Variants in RRM1 observed in about 807,000 individuals in gnomAD.
RRM1 encodes ribonucleoside-diphosphate reductase large subunit.
Under a neutral mutation model 101.5 loss-of-function variants are expected in RRM1, and 19 were observed. The observed-to-expected ratio is 0.19, with a 90% confidence interval of 0.13 to 0.27. The LOEUF is 0.27. Among genes scored for constraint, RRM1 ranks in the 10% least tolerant of loss-of-function variants. RRM1 has a pLI of 1.00. For missense variants in RRM1, 500 were observed against 962.9 expected (o/e 0.52, Z 6.36); for synonymous variants, 298 against 323.4 (o/e 0.92, Z 0.84).
At chr11:4,126,604 G>C (rs2094589926) in intron 12 of RRM1, 80 bp from the exon 13 acceptor site, 1 of 1,316,808 alleles carries the variant, frequency 7.6e-7, no homozygotes, top group African/African-American at 1.5e-5. Context: ...CTGAGTATTA[G>C]AGGCTCACAT....
At chr11:4,102,894 T>C (rs925224033) in intron 2 of RRM1, among the ~76,000 whole-genome samples, 1 of 152,188 alleles carries the variant, frequency 6.6e-6, no homozygotes, top group African/African-American at 2.4e-5. Context: ...ATCTGGACTG[T>C]TTTCTGTGGT....
chr11:4,101,931 A>G, intron 1 of RRM1, 62 bp from the exon 2 acceptor site: 1 of 858,024 alleles, frequency 1.2e-6, no homozygotes, highest in Non-Finnish European at 2.0e-6. Flanking sequence ...ATTCTTTGAC[A>G]TTGTAGTCTT....
rs533970110 is a variant in RRM1, at chr11:4,131,603, T to G, written c.1770-683T>G. On this transcript the variant is annotated intron_variant, in intron 15 of 18. Transcript: ENST00000300738. ...TTTGTGCCTGCCTGATGAGGAAAGATGTTTTAAAATTGCTATCAATTAGGC... is the reference window on the plus strand; with the variant it reads ...TTTGTGCCTGCCTGATGAGGAAAGAGGTTTTAAAATTGCTATCAATTAGGC... Among the ~76,000 whole-genome samples, 6 of 152,356 alleles carry G rather than the reference T, an allele frequency of 3.9e-5. No homozygotes were observed. The East Asian group carries it at 1.2e-3, about 29-fold the overall frequency.
chr11:4,133,376 A>G (rs555562097), intron 16 of RRM1, among the ~76,000 whole-genome samples, 187 bp from the exon 17 acceptor site: 1 of 152,340 alleles, frequency 6.6e-6, no homozygotes, highest in Admixed American at 6.5e-5. Flanking sequence ...ACAGATGTCA[A>G]GATCTTAAAG....
chr11:4,118,378 C>T lies in RRM1; in HGVS notation c.709C>T (p.Gln237Ter). 6.2e-7 allele frequency: 1 copy of T among 1,613,924 alleles called. No homozygotes were observed. The highest frequency in any genetic ancestry group is 8.5e-7 in the Non-Finnish European group (1 of 1,179,890). Residue 237 changes from glutamine (Q) to a stop codon, truncating the protein, a stop_gained, in exon 8 of 19, where the codon CAA becomes TAA. Transcript: ENST00000300738. LOFTEE classifies it high-confidence loss of function. ...SIEGIYDTLK[Q>*]CALISKSAGG... ...TGAAGGCATTTATGACACTCTAAAGCAATGTGCATTGATTTCTAAGTCTGC... is the reference window on the plus strand; with the variant it reads ...TGAAGGCATTTATGACACTCTAAAGTAATGTGCATTGATTTCTAAGTCTGC...
intron 3 of RRM1, among the ~76,000 whole-genome samples, chr11:4,106,570 A>G (rs1346588271): frequency 6.6e-6 from 1 of 152,138 alleles, no homozygotes; most frequent in Non-Finnish European, 1.5e-5. Context: ...AACATGGCGA[A>G]ACCCTTTCTC....
At chr11:4,108,762 GT>G (rs1441360678) in intron 4 of RRM1, among the ~76,000 whole-genome samples, 2 of 152,118 alleles carry the variant, frequency 1.3e-5, no homozygotes, top group Admixed American at 1.3e-4. Context: ...AGCAAAACCT[GT>G]GTCTAAAAAT....
chr11:4,107,557 T>C, intron 4 of RRM1, 22 bp downstream of exon 4: 1 of 1,511,942 alleles, frequency 6.6e-7, no homozygotes. Flanking sequence ...ACTTATCTGG[T>C]GGAAATTTTT....
chr11:4,099,891 T>C (rs2094548772), intron 1 of RRM1, among the ~76,000 whole-genome samples: 1 of 152,304 alleles, frequency 6.6e-6, no homozygotes. Context: ...AGTTTCCTGA[T>C]TGACTTCAGA....
At chr11:4,113,438 G>A (rs1445379793) in intron 7 of RRM1, among the ~76,000 whole-genome samples, 1 of 152,062 alleles carries the variant, frequency 6.6e-6, no homozygotes, top group Non-Finnish European at 1.5e-5. Flanking sequence ...TTTTTACATA[G>A]GAAACTCAAG....
Position 4,106,069 on chromosome 11 carries a change from C to G in RRM1, c.132C>G (p.Ile44Met). The G allele has an allele frequency of 6.2e-7, 1 of 1,612,386 alleles. No homozygotes were observed. The highest frequency in any genetic ancestry group is 8.5e-7 in the Non-Finnish European group (1 of 1,179,634). ...AGGCTCAGATCACCATGAAAGTAAT[C>G]CAAGGCTTGTACAGTGGGGTCACCA... is the stretch of plus-strand genomic sequence containing the variant. ...VDPAQITMKVIQGLYSGVTTV... is the reference protein window; with the variant it reads ...VDPAQITMKVMQGLYSGVTTV... Residue 44 changes from isoleucine (I) to methionine (M), a missense_variant, in exon 3 of 19, where the codon ATC becomes ATG. Physicochemically the swap from Ile to Met is conservative, Grantham distance 10. This residue lies in a region of RRM1 where 44 missense variants were observed against 119.4 expected (regional missense o/e 0.37). Coordinates refer to ENST00000300738, the MANE Select transcript of RRM1 (RefSeq NM_001033.5).
chr11:4,096,500 G>C (rs10835611), intron 1 of RRM1, among the ~76,000 whole-genome samples: 57,084 of 152,072 alleles, frequency 0.38, 10,860 homozygotes, highest in South Asian at 0.46. Flanking sequence ...AAGGTGGACA[G>C]TAGTGGCCTT....
intron 1 of RRM1, among the ~76,000 whole-genome samples, chr11:4,100,255 A>G (rs2094549269): frequency 6.6e-6 from 1 of 152,216 alleles, no homozygotes; most frequent in African/African-American, 2.4e-5. Flanking sequence ...TGTTCTAGGC[A>G]CTAAATTTGA....
At chr11:4,105,571 TTC>T (rs1470523765) in intron 2 of RRM1, 6 of 397,288 alleles carry the variant, frequency 1.5e-5, no homozygotes, top group Non-Finnish European at 2.8e-5. Context: ...GTTTTCTTTT[TTC>T]TTTCCTTTTT....
At chr11:4,095,108 G>GCCCGCCCGCCTTCGCTGCTT (rs1318857615) in intron 1 of RRM1, 77 bp downstream of exon 1, 3 of 1,317,426 alleles carry the variant, frequency 2.3e-6, no homozygotes, top group Non-Finnish European at 3.1e-6. Flanking sequence ...TGCCCAGACC[G>GCCCGCCCGCCTTCGCTGCTT]CCCGCCCGCC....
chr11:4,116,552 A>G (rs772079097), intron 7 of RRM1, among the ~76,000 whole-genome samples: 9 of 152,150 alleles, frequency 5.9e-5, no homozygotes, highest in Non-Finnish European at 1.0e-4. Context: ...AGATCATGCC[A>G]CTGTACTGCA....
intron 17 of RRM1, among the ~76,000 whole-genome samples, chr11:4,134,756 CT>C (rs1322772891): frequency 2.0e-5 from 3 of 152,164 alleles, no homozygotes; most frequent in Non-Finnish European, 2.9e-5. Flanking sequence ...TTAGCTCTGA[CT>C]TTTCCTTTCT....
At chr11:4,129,249 C>T (rs2094594914) in intron 15 of RRM1, 99 bp downstream of exon 15, 9 of 666,962 alleles carry the variant, frequency 1.3e-5, no homozygotes. Flanking sequence ...TTCTTAAACT[C>T]ATTTATTACA....
At chr11:4,105,578 C>CTTTTTTT (rs55705631) in intron 2 of RRM1, 300 of 281,612 alleles carry the variant, frequency 1.1e-3, no homozygotes, top group South Asian at 1.9e-3. Context: ...TTTTTCTTTC[C>CTTTTTTT]TTTTTTTTTT....
Sources: gnomAD v4.1 joint callset for allele counts (sites outside exome capture counted in the v4.1 genomes callset) on GRCh38, gnomAD v4.1.1 for gene constraint, gnomAD v4.1.1 regional missense constraint, MANE v1.5 for transcripts, NCBI Gene and HGNC (gene_info 2026-07-23, HGNC 2026-07-21) for gene names.